The following SLC2A5 variants were observed in gnomAD, a reference collection of about 807,000 sequenced individuals.
SLC2A5 encodes the protein solute carrier family 2 member 5.
In SLC2A5, 56 loss-of-function variants were observed where a neutral mutation model predicts 50.3. The observed-to-expected ratio is 1.11, with a 90% CI of 0.90 to 1.39. SLC2A5 has a LOEUF of 1.39. Among genes scored for constraint, SLC2A5 ranks in the 40% most tolerant of loss-of-function variants. SLC2A5 has a pLI of 0.00. For synonymous variants in SLC2A5, 269 were observed against 281.9 expected (o/e 0.95, Z 0.46); for missense variants, 566 against 650.1 (o/e 0.87, Z 1.41).
At position 9,041,874 on chromosome 1, in the gene SLC2A5, G is replaced by A. The variant is rs148745114; in HGVS notation, c.482C>T (p.Ala161Val). 1 of 1,613,956 alleles carries A rather than the reference G, an allele frequency of 6.2e-7. No individual in the cohort carries two copies. The highest frequency in any genetic ancestry group is 1.3e-5 in the African/African-American group (1 of 75,018). ...GELAPKNLRG[A>V]LGVVPQLFIT... ...GAAGAGCTGGGGCACCACCCCGAGA[G>A]CCCCCCGCAGGTTTTTAGGGGCCAG... The change falls in exon 5 of 12, where the codon GCT becomes GTT. Residue 161 changes from alanine (A) to valine (V), a missense_variant. By Grantham distance (64) the Ala-to-Val change is moderately conservative. Transcript: ENST00000377424.
At chr1:9,039,683 TG>T in intron 7 of SLC2A5, 21 bp from the exon 8 acceptor site, 1 of 1,501,826 alleles carries the variant, frequency 6.7e-7, no homozygotes. Context: ...AGCGCGGGGC[TG>T]GGCGGCTGCC....
chr1:9,039,232 GC>G (rs756480134), intron 8 of SLC2A5, among the ~76,000 whole-genome samples: 15 of 152,220 alleles, frequency 9.9e-5, no homozygotes, highest in Non-Finnish European at 1.9e-4. Context: ...CGGAGACGCT[GC>G]CCCCACGGAG....
intron 3 of SLC2A5, among the ~76,000 whole-genome samples, chr1:9,049,858 C>G (rs976389662): frequency 6.6e-6 from 1 of 152,104 alleles, no homozygotes; most frequent in Non-Finnish European, 1.5e-5. Context: ...TGGTGCTGGG[C>G]TGGGTGCCGT....
upstream of SLC2A5, among the ~76,000 whole-genome samples, chr1:9,074,411 T>C (rs1312921551): frequency 6.6e-6 from 1 of 151,712 alleles, no homozygotes; most frequent in African/African-American, 2.4e-5. Context: ...AGAGGGAGAG[T>C]ATGGTAACCT....
At position 9,039,862 on chromosome 1, in the gene SLC2A5, G is replaced by A. The variant is rs1438080683; in HGVS notation, c.823C>T (p.Arg275Cys). The A allele has an allele frequency of 1.2e-6, 2 of 1,611,696 alleles. No individual in the cohort carries two copies. Among genetic ancestry groups the A allele is most frequent in the Non-Finnish European group, 1.7e-6 (2 of 1,179,406 alleles). ...VLKLFRMRSL[R>C]WQLLSIIVLM... ...ACGATGATGGACAGCAGCTGCCAGC[G>A]CAGCGAGCGCATCCGGAACAGCTTC... The change falls in exon 7 of 12, where the codon CGC becomes TGC. Residue 275 changes from arginine (R) to cysteine (C), a missense_variant. By Grantham distance (180) the Arg-to-Cys change is radical (BLOSUM62 -3). Transcript: ENST00000377424.
upstream of SLC2A5, chr1:9,072,253 G>C (rs1642227988): frequency 6.6e-6 from 1 of 152,386 alleles, no homozygotes; most frequent in Non-Finnish European, 1.5e-5. Context: ...TGGAGGAGGG[G>C]GATGGCAGCG....
chr1:9,038,630 G>T, intron 9 of SLC2A5, 124 bp from the exon 10 acceptor site: 1 of 1,241,058 alleles, frequency 8.1e-7, no homozygotes, highest in Non-Finnish European at 1.1e-6. Context: ...GTGCCACCTC[G>T]ATGAGCCACT....
intron 4 of SLC2A5, among the ~76,000 whole-genome samples, chr1:9,042,174 A>G (rs1641320942): frequency 6.6e-6 from 1 of 152,186 alleles, no homozygotes; most frequent in South Asian, 2.1e-4. Flanking sequence ...ATCTGGGGAC[A>G]CTGGCCAGCT....
At chr1:9,042,944 C>A (rs1263838079) in intron 4 of SLC2A5, among the ~76,000 whole-genome samples, 2 of 152,198 alleles carry the variant, frequency 1.3e-5, no homozygotes, top group Non-Finnish European at 2.9e-5. Context: ...TAAATATTCC[C>A]ATCATACTTG....
chr1:9,049,788 T>G (rs541830534), intron 3 of SLC2A5, among the ~76,000 whole-genome samples: 15 of 151,876 alleles, frequency 9.9e-5, no homozygotes, highest in African/African-American at 3.6e-4. Context: ...TCTATTCAAC[T>G]GATCCTTGAC....
chr1:9,064,561 G>C (rs1334585500), intron 1 of SLC2A5, among the ~76,000 whole-genome samples: 1 of 152,098 alleles, frequency 6.6e-6, no homozygotes, highest in Non-Finnish European at 1.5e-5. Context: ...AGAAAGAAAA[G>C]AAACTTTTTG....
At chr1:9,072,796 C>CAA (rs59542603), upstream of SLC2A5, among the ~76,000 whole-genome samples, 365 of 124,230 alleles carry the variant, frequency 2.9e-3, 3 homozygotes, top group East Asian at 0.013. Context: ...CTAAAAATGC[C>CAA]AAAAAAAAAA....
At position 9,038,509 on chromosome 1, in the gene SLC2A5, G is replaced by GGA; in HGVS notation, c.1099-4_1099-3insTC. On this transcript the variant is annotated splice_region_variant and splice_polypyrimidine_tract_variant and intron_variant, in intron 9 of 11. Transcript: ENST00000377424. ...TATGGCATCCAGGACACTGTGTCCT[G>GGA]TGGAGAGAAAGCAGTTGGTTCACCT... The GGA allele has an allele frequency of 6.2e-7, 1 of 1,611,604 alleles. No individual in the cohort carries two copies. Among genetic ancestry groups the GGA allele is most frequent in the Non-Finnish European group, 8.5e-7 (1 of 1,178,220 alleles).
At chr1:9,074,023 T>C (rs1395960461), upstream of SLC2A5, among the ~76,000 whole-genome samples, 2 of 151,684 alleles carry the variant, frequency 1.3e-5, no homozygotes, top group African/African-American at 2.4e-5. Flanking sequence ...GAGGTTGCAG[T>C]GGGCTGAGAT....
Position 9,037,975 on chromosome 1 carries a change from C to A in SLC2A5, c.1224G>T (p.Arg408=). ...TGCCCCCCACCATGAAGGCAGATGGCCGAGAGGACTGCAGGAAGATCTCAG... is the reference window on the plus strand; with the variant it reads ...TGCCCCCCACCATGAAGGCAGATGGACGAGAGGACTGCAGGAAGATCTCAG... The part of the protein sequence containing the change: ...LITEIFLQSS[R]PSAFMVGGSV... The change falls in exon 11 of 12, where the codon CGG becomes CGT. Residue 408 remains arginine (R), a synonymous_variant. Coordinates refer to ENST00000377424, the MANE Select transcript of SLC2A5 (RefSeq NM_003039.3). 6.2e-7 allele frequency: 1 copy of A among 1,613,954 alleles called. No homozygotes were observed. Among genetic ancestry groups the A allele is most frequent in the Non-Finnish European group, 8.5e-7 (1 of 1,180,006 alleles).
At position 9,055,553 on chromosome 1, in the gene SLC2A5, T is replaced by C. The variant is rs535649245; in HGVS notation, c.293+1895A>G. On this transcript the variant is annotated intron_variant, in intron 3 of 11. Transcript: ENST00000377424. ...AATAAAAATAAAGTGAGGATTGTAA[T>C]AGTACCTCTAAACACAGTCAGGACA... Among the ~76,000 whole-genome samples the C allele has an allele frequency of 7.9e-5, 12 of 151,594 alleles. No individual in the cohort carries two copies. The East Asian group carries it at 2.2e-3, about 27-fold the overall frequency.
chr1:9,081,625 C>T (rs370168955), intron 2 of SLC2A5, among the ~76,000 whole-genome samples: 1 of 152,210 alleles, frequency 6.6e-6, no homozygotes, highest in East Asian at 1.9e-4. Flanking sequence ...GCGCAAAACA[C>T]TTGAATAGAT....
intron 2 of SLC2A5, among the ~76,000 whole-genome samples, chr1:9,079,170 G>T (rs1476006871): frequency 2.6e-5 from 4 of 152,168 alleles, no homozygotes; most frequent in African/African-American, 9.7e-5. Context: ...TCAGGAGCCA[G>T]TTCTGTATTC....
At chr1:9,077,085 C>A (rs1018963350) in intron 2 of SLC2A5, among the ~76,000 whole-genome samples, 4 of 150,774 alleles carry the variant, frequency 2.7e-5, no homozygotes, top group Non-Finnish European at 4.4e-5. Context: ...CCATGCCAAG[C>A]CTTACAAGTG....
Sources: allele counts gnomAD v4.1 joint callset (sites outside exome capture counted in the v4.1 genomes callset), GRCh38; gene constraint gnomAD v4.1.1; transcripts MANE v1.5; gene names NCBI Gene and HGNC (gene_info 2026-07-23, HGNC 2026-07-21).